ASTN2: variants seen among roughly 807,000 people sequenced by gnomAD.
ASTN2 encodes astrotactin 2, also known as astrotactin-2.
A neutral mutation model predicts 139.8 loss-of-function variants in ASTN2; 54 were observed. That is an observed-to-expected ratio of 0.39 (90% CI 0.31 to 0.48). ASTN2 has a LOEUF of 0.48. Ranked by LOEUF, ASTN2 falls within the 20% of genes least tolerant of loss-of-function variation. ASTN2 has a pLI of 0.95. For missense variants in ASTN2, 1,565 were observed against 1,725.1 expected, an observed-to-expected ratio of 0.91 and a Z score of 1.64; for synonymous variants, 756 against 719.5, an observed-to-expected ratio of 1.05 and a Z score of -0.81.
intron 1 of ASTN2, among the ~76,000 whole-genome samples, chr9:117,404,622 T>C (rs1830928731): frequency 6.6e-6 from 1 of 152,154 alleles, no homozygotes; most frequent in African/African-American, 2.4e-5. Context: ...ACAATGATGC[T>C]AAGGAGTACT....
intron 16 of ASTN2, among the ~76,000 whole-genome samples, chr9:116,711,940 C>G (rs1828175100): frequency 6.6e-6 from 1 of 152,176 alleles, no homozygotes; most frequent in Non-Finnish European, 1.5e-5. Flanking sequence ...AAGTCAAGCC[C>G]TATCCCACAC....
chr9:116,730,137 A>T (rs1828738438), intron 14 of ASTN2, among the ~76,000 whole-genome samples: 1 of 152,134 alleles, frequency 6.6e-6, no homozygotes, highest in Non-Finnish European at 1.5e-5. Flanking sequence ...TGCTAGTCAC[A>T]TCAGCAGTTA....
chr9:116,955,632 A>C (rs531337214), intron 10 of ASTN2, among the ~76,000 whole-genome samples: 1 of 152,296 alleles, frequency 6.6e-6, no homozygotes, highest in African/African-American at 2.4e-5. Flanking sequence ...GAAGTGGAAA[A>C]ATTACCAGCT....
chr9:117,230,803 C>T (rs1832868182), intron 2 of ASTN2, among the ~76,000 whole-genome samples: 1 of 152,138 alleles, frequency 6.6e-6, no homozygotes, highest in East Asian at 1.9e-4. Flanking sequence ...AAGGTAGCAT[C>T]ATCAGCAATG....
At chr9:116,624,068 C>A (rs551912817) in intron 17 of ASTN2, among the ~76,000 whole-genome samples, 96 of 152,194 alleles carry the variant, frequency 6.3e-4, no homozygotes, top group African/African-American at 2.2e-3. Flanking sequence ...GTTTTCATAA[C>A]GAAGGTTTGC....
At chr9:116,547,023 G>A (rs1852126651) in intron 19 of ASTN2, among the ~76,000 whole-genome samples, 1 of 152,180 alleles carries the variant, frequency 6.6e-6, no homozygotes, top group African/African-American at 2.4e-5. Context: ...TTATGTGGTG[G>A]TGTGATATTT....
intron 15 of ASTN2, among the ~76,000 whole-genome samples, chr9:116,727,457 C>G (rs1260352449): frequency 2.6e-5 from 4 of 152,138 alleles, no homozygotes; most frequent in Non-Finnish European, 5.9e-5. Context: ...TTAATTAAAG[C>G]AGATGCACCT....
At chr9:116,803,205 T>C (rs1212158308) in intron 13 of ASTN2, among the ~76,000 whole-genome samples, 3 of 152,050 alleles carry the variant, frequency 2.0e-5, no homozygotes, top group Non-Finnish European at 4.4e-5. Flanking sequence ...AGACACACTT[T>C]CATAGACCAT....
intron 11 of ASTN2, among the ~76,000 whole-genome samples, chr9:116,846,915 G>A (rs771006958): frequency 2.4e-4 from 34 of 144,040 alleles, no homozygotes; most frequent in Non-Finnish European, 4.9e-4. Context: ...TGGCAGTCGC[G>A]AAGCCTTCTG....
At chr9:117,063,511 C>T (rs1282306086) in intron 5 of ASTN2, among the ~76,000 whole-genome samples, 2 of 152,216 alleles carry the variant, frequency 1.3e-5, no homozygotes, top group East Asian at 1.9e-4. Context: ...ACGTGCCTTT[C>T]ACCTTCCACC....
chr9:116,661,348 A>C (rs1485894204), intron 16 of ASTN2, among the ~76,000 whole-genome samples: 3 of 152,166 alleles, frequency 2.0e-5, no homozygotes, highest in Non-Finnish European at 4.4e-5. Flanking sequence ...ACTTCCACTG[A>C]GGGAAGCCAG....
chr9:117,233,415 C>T (rs1222640357), intron 2 of ASTN2, among the ~76,000 whole-genome samples: 1 of 152,168 alleles, frequency 6.6e-6, no homozygotes, highest in African/African-American at 2.4e-5. Context: ...ATTTACCTTC[C>T]CTGACTCCCA....
chr9:116,496,322 G>A (rs1849668291), intron 19 of ASTN2, among the ~76,000 whole-genome samples: 1 of 152,146 alleles, frequency 6.6e-6, no homozygotes, highest in Non-Finnish European at 1.5e-5. Context: ...TTCAAACTGA[G>A]CTGATGGCTG....
chr9:116,917,352 A>G (rs1834477937), intron 10 of ASTN2, among the ~76,000 whole-genome samples: 1 of 151,454 alleles, frequency 6.6e-6, no homozygotes, highest in Non-Finnish European at 1.5e-5. Flanking sequence ...CAACTAGACC[A>G]TAAGCTCTAA....
intron 19 of ASTN2, among the ~76,000 whole-genome samples, chr9:116,536,069 T>C (rs57848399): frequency 0.18 from 26,956 of 151,532 alleles, 2,693 homozygotes; most frequent in African/African-American, 0.28. Flanking sequence ...TTATTCTCTT[T>C]TCTCTAAACT....
In ASTN2 at chr9:117,364,950, AACACACACACACACAC is replaced by A. The variant is rs71379275; in HGVS notation, c.442+49531_442+49546del. On this transcript the variant is annotated intron_variant, in intron 1 of 22. Transcript: ENST00000313400. ...CAACATAGTGAGACTCCATCTCTACAACACACACACACACACACACACACACACACACACACACACA... is the reference window on the plus strand; with the variant it reads ...CAACATAGTGAGACTCCATCTCTACAACACACACACACACACACACACACA... Among the ~76,000 whole-genome samples the A allele has an allele frequency of 7.6e-4, 92 of 121,542 alleles. 1 individual carries two copies. The highest frequency in any genetic ancestry group is 1.8e-3 in the African/African-American group (57 of 31,146). The allele number at this position is 121,542 out of a possible 152,430, so 79.7% of individuals were successfully genotyped here.
At chr9:117,161,019 A>AGCTGTGAAATTTT (rs1419835809) in intron 3 of ASTN2, among the ~76,000 whole-genome samples, 8 of 152,038 alleles carry the variant, frequency 5.3e-5, no homozygotes, top group Non-Finnish European at 1.5e-5. Flanking sequence ...ACATTTTCTG[A>AGCTGTGAAATTTT]GCTGTGAAAT....
At chr9:116,502,818 AGAG>A (rs1175924823) in intron 19 of ASTN2, among the ~76,000 whole-genome samples, 1 of 149,100 alleles carries the variant, frequency 6.7e-6, no homozygotes. Flanking sequence ...GAAAAGAAGA[AGAG>A]AATGAAGGAG....
rs139563033 is a variant in ASTN2 at position 117,291,488 on chromosome 9, G to A, written c.468C>T (p.Ile156=). ...ACTGCTGTCTCCAGTGCACCAGCGAGATGTCCGCTGCTGTGCCAGACATCT... is the reference window on the plus strand; with the variant it reads ...ACTGCTGTCTCCAGTGCACCAGCGAAATGTCCGCTGCTGTGCCAGACATCT... The part of the protein sequence containing the change: ...TLEMSGTAAD[I]SLVHWRQQWL... The change falls in exon 2 of 23, where the codon ATC becomes ATT. Residue 156 remains isoleucine, a synonymous_variant. Coordinates refer to ENST00000313400, the MANE Select transcript of ASTN2 (RefSeq NM_001365068.1). 26 of 1,609,470 alleles carry A rather than the reference G, an allele frequency of 1.6e-5. No homozygotes were observed. In the African/African-American group the frequency reaches 3.2e-4, roughly 20 times the overall value.
Sources: gnomAD v4.1 joint callset for allele counts (sites outside exome capture counted in the v4.1 genomes callset) on GRCh38, gnomAD v4.1.1 for gene constraint, MANE v1.5 for transcripts, NCBI Gene and HGNC (gene_info 2026-07-23, HGNC 2026-07-21) for gene names.